CMSS1: variants seen among roughly 807,000 people sequenced by gnomAD.
The protein encoded by CMSS1 is protein CMSS1.
A neutral mutation model predicts 43.5 loss-of-function variants in CMSS1; 33 were observed. The observed-to-expected ratio is 0.76, with a 90% CI of 0.57 to 1.01. The LOEUF (loss-of-function observed/expected upper bound fraction) is 1.01, where lower values mean the gene tolerates loss of function less well. Among genes scored for constraint, CMSS1 ranks in the 50% least tolerant of loss-of-function variants. The pLI, the probability that CMSS1 is intolerant of heterozygous loss-of-function variation, is 0.00. For missense variants in CMSS1, 313 were observed against 326.4 expected, an observed-to-expected ratio of 0.96 and a Z score of 0.32; for synonymous variants, 115 against 117.2, an observed-to-expected ratio of 0.98 and a Z score of 0.12.
At chr3:99,951,017 A>G (rs1708161126) in intron 1 of CMSS1, among the ~76,000 whole-genome samples, 1 of 152,176 alleles carries the variant, frequency 6.6e-6, no homozygotes, top group Admixed American at 6.5e-5. Flanking sequence ...TTTGGCCCAC[A>G]GTTTCACCTC....
rs115272355 is a variant in CMSS1, at chr3:100,118,272, G to A, written c.65-28701G>A. 4.6e-3 allele frequency among the ~76,000 whole-genome samples: 695 copies of A among 151,574 alleles called. 7 individuals are homozygous for A. The highest frequency in any genetic ancestry group is 0.016 in the African/African-American group (680 of 41,320). ...GTATTTACTATTATTTTTAAAAATT[G>A]GTTTTACTATTTCTAGAAAATTTAA... On this transcript the variant is annotated intron_variant, in intron 1 of 9. Transcript: ENST00000421999.
chr3:99,969,388 C>T (rs1158936708), intron 1 of CMSS1, among the ~76,000 whole-genome samples: 5 of 152,236 alleles, frequency 3.3e-5, no homozygotes, highest in Middle Eastern at 3.4e-3. Context: ...GGTTGAGCCA[C>T]GTTGATGGCC....
At chr3:99,957,693 C>CTTTTTTTTTTTTTTTTTTTTTTTTTTTT (rs779350496) in intron 1 of CMSS1, among the ~76,000 whole-genome samples, 356 of 19,904 alleles carry the variant, frequency 0.018, 128 homozygotes, top group Non-Finnish European at 0.025. Flanking sequence ...TTCTTTCTTT[C>CTTTTTTTTTTTTTTTTTTTTTTTTTTTT]TTTTTTTTTT....
intron 1 of CMSS1, among the ~76,000 whole-genome samples, chr3:99,989,032 A>G (rs1709435999): frequency 6.6e-6 from 1 of 152,082 alleles, no homozygotes; most frequent in Admixed American, 6.5e-5. Flanking sequence ...ATTAGGAATT[A>G]TTTTTCTCAA....
Position 100,166,336 on chromosome 3 carries a change from C to A in CMSS1, c.357C>A (p.Asp119Glu). 1 of 1,587,928 alleles carries A rather than the reference C, an allele frequency of 6.3e-7. No homozygotes were observed. Among genetic ancestry groups the A allele is most frequent in the Non-Finnish European group, 8.6e-7 (1 of 1,156,664 alleles). ...VIELEELNLP[D>E]SCFLKANDLT... ...AAAGCATGTTTATTATATTTCTAGA[C>A]TCCTGTTTCCTCAAGGCCAATGATT... The change falls in exon 5 of 10, where the codon GAC becomes GAA. Residue 119 changes from aspartate (D) to glutamate (E), a missense_variant and splice_region_variant. Coordinates refer to ENST00000421999, the MANE Select transcript of CMSS1 (RefSeq NM_032359.4).
intron 1 of CMSS1, among the ~76,000 whole-genome samples, chr3:99,997,476 G>C (rs1709716936): frequency 6.6e-6 from 1 of 152,176 alleles, no homozygotes; most frequent in Non-Finnish European, 1.5e-5. Flanking sequence ...CAAGTCCATT[G>C]TTCTTTCTGA....
chr3:99,998,317 A>T (rs1043280115), intron 1 of CMSS1, among the ~76,000 whole-genome samples: 1 of 152,218 alleles, frequency 6.6e-6, no homozygotes, highest in Non-Finnish European at 1.5e-5. Flanking sequence ...TTCTAACTAC[A>T]GGGTTAGAAA....
At chr3:99,911,448 C>T (rs1706784493) in intron 1 of CMSS1, among the ~76,000 whole-genome samples, 2 of 151,890 alleles carry the variant, frequency 1.3e-5, no homozygotes, top group African/African-American at 4.8e-5. Flanking sequence ...AACAACTTGC[C>T]AGTGGTGGGT....
chr3:100,062,185 C>T (rs550517771), intron 1 of CMSS1, among the ~76,000 whole-genome samples: 1 of 136,778 alleles, frequency 7.3e-6, no homozygotes, highest in African/African-American at 2.8e-5. Flanking sequence ...GATCTTGGCT[C>T]ACTGCAAGCT....
chr3:99,917,954 CTTGT>C (rs1054448142), intron 1 of CMSS1, among the ~76,000 whole-genome samples: 6 of 151,966 alleles, frequency 3.9e-5, no homozygotes, highest in South Asian at 4.2e-4. Context: ...ATGCCCTGCC[CTTGT>C]TTGTTTGTTT....
At chr3:100,153,023 A>T (rs554533323) in intron 2 of CMSS1, among the ~76,000 whole-genome samples, 2 of 152,372 alleles carry the variant, frequency 1.3e-5, no homozygotes, top group South Asian at 4.1e-4. Flanking sequence ...TATTTATCTT[A>T]AAGTATGTAT....
rs185279032 is a variant in CMSS1, at chr3:100,026,936, G to A, written c.65-120037G>A. Reference sequence around the variant, plus strand: ...CTCCCAATAACCCATAAGACTCTCCGACCTCATCTCTGCAGCTACATTGGC... The same window carrying A: ...CTCCCAATAACCCATAAGACTCTCCAACCTCATCTCTGCAGCTACATTGGC... On this transcript the variant is annotated intron_variant, in intron 1 of 9. Transcript: ENST00000421999. Among the ~76,000 whole-genome samples the A allele has an allele frequency of 1.6e-4, 24 of 151,958 alleles. 1 individual carries two copies. The East Asian group carries it at 4.1e-3, about 26-fold the overall frequency.
chr3:99,931,546 A>C (rs1209011649), intron 1 of CMSS1, among the ~76,000 whole-genome samples: 1 of 152,182 alleles, frequency 6.6e-6, no homozygotes, highest in Non-Finnish European at 1.5e-5. Context: ...GAAATGGCAG[A>C]GTTACTGCTA....
intron 1 of CMSS1, among the ~76,000 whole-genome samples, chr3:100,031,990 A>C (rs1178131588): frequency 6.6e-6 from 1 of 151,996 alleles, no homozygotes; most frequent in African/African-American, 2.4e-5. Flanking sequence ...CATCATGAAA[A>C]ATCCTAATTT....
intron 1 of CMSS1, among the ~76,000 whole-genome samples, chr3:99,983,553 G>T (rs113693763): frequency 5.7e-5 from 8 of 141,554 alleles, no homozygotes; most frequent in African/African-American, 1.8e-4. Flanking sequence ...AGCCAGGTGT[G>T]GTGGCAGGTA....
chr3:100,158,159 T>C (rs1351194222), intron 2 of CMSS1, among the ~76,000 whole-genome samples: 1 of 152,230 alleles, frequency 6.6e-6, no homozygotes, highest in African/African-American at 2.4e-5. Flanking sequence ...ATTTTCAGTT[T>C]ACTGGTATTT....
At chr3:99,931,676 G>A (rs1707487776) in intron 1 of CMSS1, among the ~76,000 whole-genome samples, 1 of 152,046 alleles carries the variant, frequency 6.6e-6, no homozygotes. Flanking sequence ...TCTATCCTTG[G>A]GTAAGTCAAG....
At chr3:99,962,132 A>G (rs1242274462) in intron 1 of CMSS1, among the ~76,000 whole-genome samples, 3 of 152,182 alleles carry the variant, frequency 2.0e-5, no homozygotes, top group Non-Finnish European at 4.4e-5. Context: ...TATTCCAGGA[A>G]GGACTGGCTT....
At chr3:100,146,934 A>G (rs2066856401) in intron 1 of CMSS1, 39 bp from the exon 2 acceptor site, 1 of 1,596,328 alleles carries the variant, frequency 6.3e-7, no homozygotes, top group African/African-American at 1.3e-5. Context: ...GCAATGAGAG[A>G]GAGAGACTTT....
Sources: gnomAD v4.1 joint callset for allele counts (sites outside exome capture counted in the v4.1 genomes callset) on GRCh38, gnomAD v4.1.1 for gene constraint, MANE v1.5 for transcripts, NCBI Gene and HGNC (gene_info 2026-07-23, HGNC 2026-07-21) for gene names.